SEMA5A: variants seen among roughly 807,000 people sequenced by gnomAD.
SEMA5A encodes semaphorin 5A.
In SEMA5A, 55 loss-of-function variants were observed where a neutral mutation model predicts 135.5. The ratio of observed to expected loss-of-function variants is 0.41; its 90% CI spans 0.33 to 0.51. SEMA5A has a LOEUF of 0.51. Among genes scored for constraint, SEMA5A ranks in the 20% least tolerant of loss-of-function variants. The pLI is 0.37. For missense variants in SEMA5A, 1,290 were observed against 1,419.9 expected (o/e 0.91, Z 1.47); for synonymous variants, 580 against 546.5 (o/e 1.06, Z -0.85).
intron 2 of SEMA5A, among the ~76,000 whole-genome samples, chr5:9,405,174 C>T (rs1274081872): frequency 1.3e-5 from 2 of 152,200 alleles, no homozygotes; most frequent in Non-Finnish European, 2.9e-5. Context: ...AAAACACCCA[C>T]ATGTTACAGC....
intron 1 of SEMA5A, among the ~76,000 whole-genome samples, chr5:9,462,753 C>T (rs959383162): frequency 1.6e-4 from 24 of 152,008 alleles, no homozygotes; most frequent in African/African-American, 5.1e-4. Context: ...CATTTTCTCA[C>T]TTATAAGTGG....
At chr5:9,058,738 T>G (rs1420927823) in intron 18 of SEMA5A, among the ~76,000 whole-genome samples, 1 of 152,200 alleles carries the variant, frequency 6.6e-6, no homozygotes, top group African/African-American at 2.4e-5. Flanking sequence ...TGATCAGAGA[T>G]GTGAAGCCCT....
intron 1 of SEMA5A, among the ~76,000 whole-genome samples, chr5:9,477,741 A>G (rs1391183083): frequency 6.6e-6 from 1 of 152,246 alleles, no homozygotes; most frequent in East Asian, 1.9e-4. Flanking sequence ...ATGTGTTCAC[A>G]AAGAGATGAT....
chr5:9,498,616 T>A (rs932441054), intron 1 of SEMA5A: 4 of 152,118 alleles, frequency 2.6e-5, no homozygotes, highest in Admixed American at 2.6e-4. Flanking sequence ...AGCCGAGATA[T>A]AGCAGCAGGG....
intron 12 of SEMA5A, among the ~76,000 whole-genome samples, chr5:9,141,386 T>C (rs1196856366): frequency 6.6e-6 from 1 of 152,222 alleles, no homozygotes; most frequent in Non-Finnish European, 1.5e-5. Context: ...ACATATGTCA[T>C]AGCATCATTT....
intron 3 of SEMA5A, among the ~76,000 whole-genome samples, chr5:9,346,620 G>C (rs928252347): frequency 5.5e-4 from 84 of 152,300 alleles, no homozygotes; most frequent in African/African-American, 1.9e-3. Flanking sequence ...CTGCTCACCT[G>C]TATGCTCCCT....
chr5:9,404,024 T>C (rs1756777545), intron 2 of SEMA5A, among the ~76,000 whole-genome samples: 2 of 152,150 alleles, frequency 1.3e-5, no homozygotes, highest in Admixed American at 1.3e-4. Context: ...AAACTCTGCC[T>C]CCCCAGTTCA....
intron 16 of SEMA5A, among the ~76,000 whole-genome samples, chr5:9,070,805 A>G (rs1253873269): frequency 6.6e-6 from 1 of 152,230 alleles, no homozygotes; most frequent in African/African-American, 2.4e-5. Flanking sequence ...AGGTTTAATT[A>G]TGATACATTC....
At chr5:9,173,279 GTTT>G (rs35531350) in intron 11 of SEMA5A, among the ~76,000 whole-genome samples, 35 of 121,786 alleles carry the variant, frequency 2.9e-4, no homozygotes, top group East Asian at 7.2e-4. Flanking sequence ...TCTTCACCCG[GTTT>G]TTTTTTTTTT....
intron 11 of SEMA5A, among the ~76,000 whole-genome samples, chr5:9,159,641 T>C (rs1743139203): frequency 6.6e-6 from 1 of 152,196 alleles, no homozygotes; most frequent in South Asian, 2.1e-4. Context: ...GAAGACAGTA[T>C]GATGATTCTT....
At chr5:9,540,255 A>T (rs1298979551) in intron 1 of SEMA5A, among the ~76,000 whole-genome samples, 2 of 152,166 alleles carry the variant, frequency 1.3e-5, no homozygotes, top group African/African-American at 4.8e-5. Context: ...TCAGTGAAAG[A>T]CTTTAAGAAA....
In SEMA5A at chr5:9,122,670, G is replaced by A. The variant is rs142217030; in HGVS notation, c.1767C>T (p.Ile589=). The part of the protein sequence containing the change: ...GWQCEGPGME[I]ANCSRNGGWT... Reference sequence around the variant, plus strand: ...GAGCGGCACACCTGGAACAGTTGGCGATCTCCATGCCAGGGCCCTCGCACT... The same window carrying A: ...GAGCGGCACACCTGGAACAGTTGGCAATCTCCATGCCAGGGCCCTCGCACT... Residue 589 remains isoleucine, a synonymous_variant, in exon 14 of 23, where the codon ATC becomes ATT. Transcript: ENST00000382496. 307 of 1,601,212 alleles carry A rather than the reference G, an allele frequency of 1.9e-4. No individual in the cohort carries two copies. In the East Asian group the frequency reaches 5.6e-3, roughly 29 times the overall value.
chr5:9,387,196 C>G (rs1037403629), intron 2 of SEMA5A, among the ~76,000 whole-genome samples: 2 of 152,168 alleles, frequency 1.3e-5, no homozygotes, highest in African/African-American at 4.8e-5. Context: ...GGTCACATGA[C>G]CTGAATCACC....
intron 16 of SEMA5A, among the ~76,000 whole-genome samples, chr5:9,075,889 T>A (rs1188577273): frequency 1.3e-5 from 2 of 152,128 alleles, no homozygotes; most frequent in Non-Finnish European, 2.9e-5. Flanking sequence ...TTCTAATACA[T>A]GGTGGCTTCT....
At chr5:9,424,186 C>T (rs1231321750) in intron 2 of SEMA5A, among the ~76,000 whole-genome samples, 1 of 152,006 alleles carries the variant, frequency 6.6e-6, no homozygotes, top group Non-Finnish European at 1.5e-5. Flanking sequence ...AAAAAAAAGG[C>T]AAAATAAGTG....
chr5:9,102,949 G>A (rs958677327), intron 16 of SEMA5A, among the ~76,000 whole-genome samples: 5 of 152,318 alleles, frequency 3.3e-5, no homozygotes, highest in African/African-American at 1.2e-4. Context: ...GGCAAACACA[G>A]CTGAGACTGT....
intron 1 of SEMA5A, among the ~76,000 whole-genome samples, chr5:9,505,685 C>G (rs961252802): frequency 2.6e-5 from 4 of 152,206 alleles, no homozygotes; most frequent in African/African-American, 9.6e-5. Context: ...TTGCAGGTGG[C>G]TCCCAAAACA....
chr5:9,223,308 G>A (rs1248269025), intron 8 of SEMA5A, among the ~76,000 whole-genome samples: 3 of 152,126 alleles, frequency 2.0e-5, no homozygotes, highest in African/African-American at 7.2e-5. Flanking sequence ...TGATGATTAG[G>A]TTGACTGTAT....
chr5:9,285,382 G>C (rs575280406), intron 5 of SEMA5A, among the ~76,000 whole-genome samples: 1 of 152,080 alleles, frequency 6.6e-6, no homozygotes, highest in Non-Finnish European at 1.5e-5. Context: ...CCGTGAACCC[G>C]CCAAGACAGT....
Sources: gnomAD v4.1 joint callset for allele counts (sites outside exome capture counted in the v4.1 genomes callset) on GRCh38, gnomAD v4.1.1 for gene constraint, MANE v1.5 for transcripts, NCBI Gene and HGNC (gene_info 2026-07-23, HGNC 2026-07-21) for gene names.